The following MPDU1 variants were observed in gnomAD, a reference collection of about 807,000 sequenced individuals.
The protein encoded by MPDU1 is mannose-P-dolichol utilization defect 1.
Under a neutral mutation model 27.6 loss-of-function variants are expected in MPDU1, and 18 were observed. The observed-to-expected ratio is 0.65, with a 90% CI of 0.45 to 0.97. MPDU1 has a LOEUF of 0.97. Ranked by LOEUF, MPDU1 falls within the 50% of genes least tolerant of loss-of-function variation. The pLI is 0.00. For synonymous variants in MPDU1, 142 were observed against 131.1 expected, an observed-to-expected ratio of 1.08 and a Z score of -0.57; for missense variants, 279 against 297.4, an observed-to-expected ratio of 0.94 and a Z score of 0.46.
Position 7,587,637 on chromosome 17 carries a change from AC to A in MPDU1, c.*87del, listed in dbSNP as rs1471140088. 1 of 1,577,284 alleles carries A rather than the reference AC, an allele frequency of 6.3e-7. No homozygotes were observed. The highest frequency in any genetic ancestry group is 8.7e-7 in the Non-Finnish European group (1 of 1,149,080). Reference sequence around the variant, plus strand: ...CTGAGCCAGCCTGCTGGTGTGACTTACTCATCCTCCATTCCTCTGCACTTGC... The same window carrying A: ...CTGAGCCAGCCTGCTGGTGTGACTTATCATCCTCCATTCCTCTGCACTTGC... On this transcript the variant is annotated 3_prime_UTR_variant, in exon 7 of 7. Transcript: ENST00000250124.
Position 7,585,800 on chromosome 17 carries a change from A to G in MPDU1, c.169+3A>G. On this transcript the variant is annotated splice_donor_region_variant and intron_variant, in intron 2 of 6. Transcript: ENST00000250124. ...CATTGTGGCTGGCTCACTTCTAGGT[A>G]TGTCTCTTATCTTTCTTTCCAGCTG... The G allele has an allele frequency of 1.2e-6, 2 of 1,613,892 alleles. No individual in the cohort carries two copies. Among genetic ancestry groups the G allele is most frequent in the African/African-American group, 1.3e-5 (1 of 74,942 alleles).
chr17:7,584,015 C>A, intron 1 of MPDU1, 50 bp downstream of exon 1: 1 of 1,560,450 alleles, frequency 6.4e-7, no homozygotes, highest in Non-Finnish European at 8.8e-7. Context: ...TGACCGTGGG[C>A]CCTTAGTCCA....
At chr17:7,584,484 C>G (rs1032603425) in intron 1 of MPDU1, among the ~76,000 whole-genome samples, 1 of 152,146 alleles carries the variant, frequency 6.6e-6, no homozygotes, top group African/African-American at 2.4e-5. Context: ...TCAGTCTGCC[C>G]CTGTCAGTTC....
In MPDU1 at chr17:7,585,789, C is replaced by T; in HGVS notation, c.161C>T (p.Ser54Leu). The change falls in exon 2 of 7, where the codon TCA (serine) becomes TTA (leucine). Residue 54 changes from serine (S) to leucine (L), a missense_variant. Coordinates refer to ENST00000250124, the MANE Select transcript of MPDU1 (RefSeq NM_004870.4). ...KGLGLGIVAG[S>L]LLVKLPQVFK... The stretch of plus-strand genomic sequence containing the variant: ...CTGGGGCTGGGCATTGTGGCTGGCT[C>T]ACTTCTAGGTATGTCTCTTATCTTT... 1.2e-6 allele frequency: 2 copies of T among 1,614,128 alleles called. No homozygotes were observed. The highest frequency in any genetic ancestry group is 1.1e-5 in the South Asian group (1 of 91,080).
At position 7,583,943 on chromosome 17, in the gene MPDU1, C is replaced by T; in HGVS notation, c.81C>T (p.Phe27=). Residue 27 remains phenylalanine, a synonymous_variant, in exon 1 of 7, where the codon TTC becomes TTT. Coordinates refer to ENST00000250124, the MANE Select transcript of MPDU1 (RefSeq NM_004870.4). ...CTGAGAAATGCTACGACCAACTTTTCGTTCAGTGGGACTTGCTTCACGGTG... is the reference window on the plus strand; with the variant it reads ...CTGAGAAATGCTACGACCAACTTTTTGTTCAGTGGGACTTGCTTCACGGTG... The part of the protein sequence containing the change: ...LLPEKCYDQL[F]VQWDLLHVPC... 2 of 1,614,164 alleles carry T rather than the reference C, an allele frequency of 1.2e-6. No homozygotes were observed. The highest frequency in any genetic ancestry group is 2.2e-5 in the East Asian group (1 of 44,892).
intron 5 of MPDU1, 53 bp from the exon 6 acceptor site, chr17:7,587,108 G>T: frequency 6.9e-7 from 1 of 1,439,856 alleles, no homozygotes; most frequent in South Asian, 1.1e-5. Flanking sequence ...GTACTTGGGG[G>T]AGCATGGGAA....
intron 1 of MPDU1, among the ~76,000 whole-genome samples, chr17:7,584,506 C>G (rs972095180): frequency 6.6e-6 from 1 of 152,196 alleles, no homozygotes; most frequent in Non-Finnish European, 1.5e-5. Context: ...TGGTACCTCT[C>G]TTGAGCTCGT....
chr17:7,587,809 A>T lies in MPDU1; in HGVS notation c.*258A>T, dbSNP rs758284391. 45 of 592,926 alleles carry T rather than the reference A, an allele frequency of 7.6e-5. No homozygotes were observed. Among genetic ancestry groups the T allele is most frequent in the Non-Finnish European group, 1.2e-4 (39 of 316,648 alleles). The allele number at this position is 592,926 out of a possible 1,614,324, so 36.7% of individuals were successfully genotyped here. A position where few individuals can be genotyped will look rare whatever the true frequency, so the allele number is the denominator to read the frequency against. On this transcript the variant is annotated 3_prime_UTR_variant, in exon 7 of 7. Coordinates refer to ENST00000250124, the MANE Select transcript of MPDU1 (RefSeq NM_004870.4). The stretch of plus-strand genomic sequence containing the variant: ...TCGTAAGCCCTGTACATGTACTATT[A>T]ATTCAGTCATTCAGCCAAGCCTCCT...
At chr17:7,583,989 C>T in intron 1 of MPDU1, 24 bp downstream of exon 1, 1 of 1,606,156 alleles carries the variant, frequency 6.2e-7, no homozygotes, top group Non-Finnish European at 8.5e-7. Context: ...AGCATCCGAT[C>T]CAAGTCCTAC....
At chr17:7,584,184 A>C (rs2071542969) in intron 1 of MPDU1, 2 of 616,176 alleles carry the variant, frequency 3.2e-6, no homozygotes, top group Admixed American at 2.8e-5. Flanking sequence ...TTCTTTGTGG[A>C]GTTTGTGCTG....
rs768628269 is a variant in MPDU1 at position 7,583,978 on chromosome 17, C to T, written c.103+13C>T. The T allele has an allele frequency of 1.0e-4, 165 of 1,611,894 alleles. 1 individual carries two copies. Among genetic ancestry groups the T allele is most frequent in the Non-Finnish European group, 1.3e-4 (158 of 1,178,736 alleles). On this transcript the variant is annotated intron_variant, in intron 1 of 6. Coordinates refer to ENST00000250124, the MANE Select transcript of MPDU1 (RefSeq NM_004870.4). ...GACTTGCTTCACGGTGAGTTTTATTCAGCATCCGATCCAAGTCCTACTCGA... is the reference window on the plus strand; with the variant it reads ...GACTTGCTTCACGGTGAGTTTTATTTAGCATCCGATCCAAGTCCTACTCGA...
At position 7,586,972 on chromosome 17, in the gene MPDU1, C is replaced by A; in HGVS notation, c.462C>A (p.Val154=). 1.2e-6 allele frequency: 2 copies of A among 1,613,566 alleles called. No homozygotes were observed. Among genetic ancestry groups the A allele is most frequent in the African/African-American group, 1.3e-5 (1 of 74,842 alleles). ...LLSPLTPLTV[V]TLLQASNVPA... ...CACCTCTGACGCCCTTGACTGTAGT[C>A]ACCCTGCTCCAGGCCTCCAATGTGC... Residue 154 remains valine (V), a synonymous_variant, in exon 5 of 7, where the codon GTC becomes GTA. Transcript: ENST00000250124.
Position 7,587,503 on chromosome 17 carries a change from C to G in MPDU1, c.696C>G (p.Leu232=). The change falls in exon 7 of 7, where the codon CTC becomes CTG. Residue 232 remains leucine, a synonymous_variant. Coordinates refer to ENST00000250124, the MANE Select transcript of MPDU1 (RefSeq NM_004870.4). ...ACGGCCTCATCGCCGCCCAGCTGCTCTTCTACTGGAATGCAAAGCCTCCCC... is the reference window on the plus strand; with the variant it reads ...ACGGCCTCATCGCCGCCCAGCTGCTGTTCTACTGGAATGCAAAGCCTCCCC... The part of the protein sequence containing the change: ...LCNGLIAAQL[L]FYWNAKPPHK... 6.2e-7 allele frequency: 1 copy of G among 1,613,712 alleles called. No homozygotes were observed. Among genetic ancestry groups the G allele is most frequent in the Non-Finnish European group, 8.5e-7 (1 of 1,179,972 alleles).
At chr17:7,586,146 G>T in intron 3 of MPDU1, 68 bp downstream of exon 3, 4 of 1,596,754 alleles carry the variant, frequency 2.5e-6, no homozygotes, top group Non-Finnish European at 3.4e-6. Context: ...GGTGAAGGAG[G>T]TTACAAGGCA....
rs373598334 is a variant in MPDU1 at position 7,586,954 on chromosome 17, G to A, written c.444G>A (p.Leu148=). The change falls in exon 5 of 7, where the codon CTG becomes CTA. Residue 148 remains leucine (L), a synonymous_variant. Coordinates refer to ENST00000250124, the MANE Select transcript of MPDU1 (RefSeq NM_004870.4). The part of the protein sequence containing the change: ...GLVLLVLLSP[L]TPLTVVTLLQ... ...TCCTGCTGGTGCTTCTCTCACCTCTGACGCCCTTGACTGTAGTCACCCTGC... is the reference window on the plus strand; with the variant it reads ...TCCTGCTGGTGCTTCTCTCACCTCTAACGCCCTTGACTGTAGTCACCCTGC... The A allele has an allele frequency of 7.4e-5, 120 of 1,613,202 alleles. No homozygotes were observed. The highest frequency in any genetic ancestry group is 9.8e-5 in the Non-Finnish European group (116 of 1,179,836).
At chr17:7,586,655 G>T in intron 3 of MPDU1, 37 bp from the exon 4 acceptor site, 3 of 1,591,472 alleles carry the variant, frequency 1.9e-6, no homozygotes, top group Non-Finnish European at 2.6e-6. Flanking sequence ...CCTCTTTCTA[G>T]GCCCGCCTTT....
intron 5 of MPDU1, 34 bp from the exon 6 acceptor site, chr17:7,587,127 G>T: frequency 1.2e-6 from 2 of 1,605,332 alleles, no homozygotes; most frequent in Non-Finnish European, 1.7e-6. Context: ...AAGAGCTCAG[G>T]TGACAGAGCC....
intron 3 of MPDU1, chr17:7,586,461 G>C (rs1363926282): frequency 1.7e-6 from 1 of 598,882 alleles, no homozygotes; most frequent in African/African-American, 1.9e-5. Flanking sequence ...AAAGGGACAA[G>C]GGGCTAGGAA....
At chr17:7,584,786 G>A (rs188615086) in intron 1 of MPDU1, among the ~76,000 whole-genome samples, 91 of 152,256 alleles carry the variant, frequency 6.0e-4, no homozygotes, top group Admixed American at 3.7e-3. Flanking sequence ...GAGGTCAGGC[G>A]TTCGAGACCA....
Sources: gnomAD v4.1 joint callset for allele counts (sites outside exome capture counted in the v4.1 genomes callset) on GRCh38, gnomAD v4.1.1 for gene constraint, MANE v1.5 for transcripts, NCBI Gene and HGNC (gene_info 2026-07-23, HGNC 2026-07-21) for gene names.